FAM114A2: variants seen among roughly 807,000 people sequenced by gnomAD.
FAM114A2 encodes protein FAM114A2.
FAM114A2 carries 53 observed loss-of-function variants against 58.4 expected under a neutral mutation model. That is an observed-to-expected ratio of 0.91 (90% CI 0.73 to 1.14). FAM114A2 has a LOEUF of 1.14. Among genes scored for constraint, FAM114A2 ranks in the 50% most tolerant of loss-of-function variants. FAM114A2 has a pLI of 0.00. For synonymous variants in FAM114A2, 228 were observed against 211.4 expected (o/e 1.08, Z -0.68); for missense variants, 601 against 581.1 (o/e 1.03, Z -0.35).
At chr5:153,996,814 T>C (rs1013781061) in intron 12 of FAM114A2, among the ~76,000 whole-genome samples, 1 of 151,748 alleles carries the variant, frequency 6.6e-6, no homozygotes, top group Admixed American at 6.6e-5. Context: ...TTGGCCAACA[T>C]GGTGAAACCC....
At chr5:154,022,937 C>T (rs1771521578) in intron 8 of FAM114A2, among the ~76,000 whole-genome samples, 1 of 152,128 alleles carries the variant, frequency 6.6e-6, no homozygotes, top group African/African-American at 2.4e-5. Context: ...ACATATACAC[C>T]ATGCAATACT....
intron 8 of FAM114A2, among the ~76,000 whole-genome samples, chr5:154,019,383 A>G (rs1285910695): frequency 6.6e-6 from 1 of 152,184 alleles, no homozygotes; most frequent in Non-Finnish European, 1.5e-5. Flanking sequence ...GAAATCATAG[A>G]CGATACAAAC....
Position 154,011,169 on chromosome 5 carries a change from T to A in FAM114A2, c.993+72A>T. The A allele has an allele frequency of 5.1e-6, 6 of 1,180,496 alleles. No homozygotes were observed. In the South Asian group the frequency reaches 6.8e-5, roughly 13 times the overall value. The allele number at this position is 1,180,496 out of a possible 1,614,324, so 73.1% of individuals were successfully genotyped here. A position where few individuals can be genotyped will look rare whatever the true frequency, so the allele number is the denominator to read the frequency against. On this transcript the variant is annotated intron_variant, in intron 9 of 13. Coordinates refer to ENST00000351797, the MANE Select transcript of FAM114A2 (RefSeq NM_018691.4). ...TGGTGACACCTCTGCCAGGAATTTA[T>A]AATCTTATGCTCTTTATCCACTACA... is the stretch of plus-strand genomic sequence containing the variant.
chr5:153,993,653 G>C (rs575067275), intron 13 of FAM114A2, among the ~76,000 whole-genome samples: 1 of 152,202 alleles, frequency 6.6e-6, no homozygotes, highest in African/African-American at 2.4e-5. Context: ...AGAAGTGTTA[G>C]AGAATCATTA....
chr5:154,020,014 A>G (rs1312816696), intron 8 of FAM114A2, among the ~76,000 whole-genome samples: 1 of 152,222 alleles, frequency 6.6e-6, no homozygotes, highest in Non-Finnish European at 1.5e-5. Flanking sequence ...GCACAACTAC[A>G]TGGAAACTGA....
At chr5:154,011,477 G>A (rs1770697898) in intron 8 of FAM114A2, among the ~76,000 whole-genome samples, 157 bp from the exon 9 acceptor site, 2 of 152,162 alleles carry the variant, frequency 1.3e-5, no homozygotes, top group South Asian at 4.1e-4. Flanking sequence ...GTGCTTTAGT[G>A]CTTATAGAAT....
intron 11 of FAM114A2, among the ~76,000 whole-genome samples, chr5:154,001,824 C>T (rs533664550): frequency 3.5e-4 from 53 of 152,234 alleles, no homozygotes; most frequent in African/African-American, 1.2e-3. Flanking sequence ...TTTGCATTTC[C>T]TCATGATTAA....
At chr5:154,015,114 C>T (rs1056708221) in intron 8 of FAM114A2, among the ~76,000 whole-genome samples, 2 of 152,152 alleles carry the variant, frequency 1.3e-5, no homozygotes, top group African/African-American at 4.8e-5. Flanking sequence ...GACCTCATCC[C>T]CATTCCCCAC....
Position 154,002,232 on chromosome 5 carries a change from G to T in FAM114A2, c.1256+19C>A. 1 of 1,609,296 alleles carries T rather than the reference G, an allele frequency of 6.2e-7. No homozygotes were observed. Among genetic ancestry groups the T allele is most frequent in the Non-Finnish European group, 8.5e-7 (1 of 1,175,962 alleles). ...CTCCTGCAATTTGCATCATTTAGAG[G>T]AATTCTCATTACACTTACTGGGAAA... On this transcript the variant is annotated intron_variant, in intron 11 of 13. Coordinates refer to ENST00000351797, the MANE Select transcript of FAM114A2 (RefSeq NM_018691.4).
At chr5:154,001,100 C>G (rs1041672077) in intron 11 of FAM114A2, among the ~76,000 whole-genome samples, 1 of 152,114 alleles carries the variant, frequency 6.6e-6, no homozygotes, top group African/African-American at 2.4e-5. Context: ...TATCAGTGAA[C>G]AAGAAAAGTC....
chr5:154,038,250 A>G (rs1340834603), intron 1 of FAM114A2: 3 of 152,210 alleles, frequency 2.0e-5, no homozygotes, highest in Non-Finnish European at 2.9e-5. Context: ...TTACACACAC[A>G]CATATATATT....
intron 8 of FAM114A2, among the ~76,000 whole-genome samples, chr5:154,020,154 G>A (rs948104765): frequency 2.0e-5 from 3 of 152,108 alleles, no homozygotes; most frequent in Non-Finnish European, 4.4e-5. Flanking sequence ...GCAGTGTGTA[G>A]AACACTGCAT....
chr5:154,021,380 T>C (rs891871031), intron 8 of FAM114A2, among the ~76,000 whole-genome samples: 1 of 152,198 alleles, frequency 6.6e-6, no homozygotes, highest in African/African-American at 2.4e-5. Flanking sequence ...GATGACATGA[T>C]TGTATATTTA....
intron 11 of FAM114A2, among the ~76,000 whole-genome samples, chr5:154,000,155 G>A (rs1000473449): frequency 6.6e-6 from 1 of 152,106 alleles, no homozygotes; most frequent in African/African-American, 2.4e-5. Context: ...ATGATCTTAC[G>A]GAAATAGAGA....
rs1395805230 is a variant in FAM114A2 at position 153,999,068 on chromosome 5, T to C, written c.1257-1193A>G. On this transcript the variant is annotated intron_variant, in intron 11 of 13. Transcript: ENST00000351797. ...CTAACTGCAAAAGTTATAGTAACAG[T>C]GTGTGATATGTACTAAGATGAAAAA... Among the ~76,000 whole-genome samples, 9 of 152,224 alleles carry C rather than the reference T, an allele frequency of 5.9e-5. No homozygotes were observed. The East Asian group carries it at 1.7e-3, about 29-fold the overall frequency.
chr5:154,029,444 T>C (rs971212665), intron 5 of FAM114A2, 45 bp downstream of exon 5: 5 of 1,054,752 alleles, frequency 4.7e-6, no homozygotes, highest in African/African-American at 1.6e-5. Flanking sequence ...GCAAACCCAT[T>C]ATAATAATGG....
At chr5:154,020,931 C>G (rs929474940) in intron 8 of FAM114A2, among the ~76,000 whole-genome samples, 1 of 151,960 alleles carries the variant, frequency 6.6e-6, no homozygotes, top group East Asian at 1.9e-4. Context: ...AGCAGCACAC[C>G]AAAAAGCTTA....
At chr5:154,005,143 T>C (rs1770268202) in intron 9 of FAM114A2, among the ~76,000 whole-genome samples, 1 of 152,218 alleles carries the variant, frequency 6.6e-6, no homozygotes, top group African/African-American at 2.4e-5. Flanking sequence ...AGTGTTTTAT[T>C]TGGCTTTGCA....
intron 9 of FAM114A2, among the ~76,000 whole-genome samples, chr5:154,010,459 C>T (rs1451569153): frequency 6.6e-6 from 1 of 152,168 alleles, no homozygotes; most frequent in East Asian, 1.9e-4. Flanking sequence ...ACACACCAAA[C>T]ATCATAGTTT....
Sources: gnomAD v4.1 joint callset for allele counts (sites outside exome capture counted in the v4.1 genomes callset) on GRCh38, gnomAD v4.1.1 for gene constraint, MANE v1.5 for transcripts, NCBI Gene and HGNC (gene_info 2026-07-23, HGNC 2026-07-21) for gene names.